The following CES2 variants were observed in gnomAD, a reference collection of about 807,000 sequenced individuals.
CES2 encodes the protein carboxylesterase 2, also known as cocaine esterase.
Under a neutral mutation model 52.1 loss-of-function variants are expected in CES2, and 42 were observed. The observed-to-expected ratio is 0.81, with a 90% CI of 0.63 to 1.04. CES2 has a LOEUF of 1.04. CES2 is among the 50% of genes least tolerant of loss of function. The probability of loss-of-function intolerance (pLI) is 0.00; values close to 1 mark genes in which losing one functional copy is unlikely to be tolerated. For synonymous variants in CES2, 277 were observed against 289.6 expected, an observed-to-expected ratio of 0.96 and a Z score of 0.44; for missense variants, 656 against 724.3, an observed-to-expected ratio of 0.91 and a Z score of 1.08.
rs778173828 is a variant in CES2 at position 66,939,209 on chromosome 16, G to C, written c.282-8G>C. The C allele has an allele frequency of 1.9e-6, 3 of 1,612,318 alleles. No homozygotes were observed. In the South Asian group the frequency reaches 3.3e-5, roughly 18 times the overall value. On this transcript the variant is annotated splice_polypyrimidine_tract_variant and splice_region_variant and intron_variant, in intron 2 of 11. Transcript: ENST00000317091. ...GCCCCTGGACTGATTATTTGCCCTG[G>C]TTACCAGGTGTCTACAGGACCTCAC... is the stretch of plus-strand genomic sequence containing the variant.
chr16:66,939,424 CA>C lies in CES2; in HGVS notation c.423+68del. On this transcript the variant is annotated intron_variant, in intron 3 of 11. Transcript: ENST00000317091. ...TTCTTCTGCAAGAAGCTGAAAAGGACAATATTAGCTCAGGCCCTGCTTCAGA... is the reference window on the plus strand; with the variant it reads ...TTCTTCTGCAAGAAGCTGAAAAGGACATATTAGCTCAGGCCCTGCTTCAGA... 3 of 1,536,366 alleles carry C rather than the reference CA, an allele frequency of 2.0e-6. No individual in the cohort carries two copies. The South Asian group carries it at 3.4e-5, about 17-fold the overall frequency.
intron 7 of CES2, 43 bp from the exon 8 acceptor site, chr16:66,941,725 G>GCTCATCCCATCCCCAGCTACAGACT: frequency 6.2e-7 from 1 of 1,613,950 alleles, no homozygotes; most frequent in Non-Finnish European, 8.5e-7. Flanking sequence ...ATAGCTCCAG[G>GCTCATCCCATCCCCAGCTACAGACT]CTCATCCCAT....
chr16:66,944,016 A>G lies in CES2; in HGVS notation c.1671A>G (p.Thr557=). 8.8e-6 allele frequency: 13 copies of G among 1,479,952 alleles called. No homozygotes were observed. Among genetic ancestry groups the G allele is most frequent in the Non-Finnish European group, 1.2e-5 (13 of 1,083,132 alleles). The allele number at this position is 1,479,952 out of a possible 1,614,324, so 91.7% of individuals were successfully genotyped here. ...TCGAGGAGCCTGAAGAGAGACACAC[A>G]GAGCTGTAGCTCCCTGTGCCGGGGA... ...QELEEPEERH[T]EL Residue 557 remains threonine (T), a synonymous_variant, in exon 12 of 12, where the codon ACA becomes ACG. Coordinates refer to ENST00000317091, the MANE Select transcript of CES2 (RefSeq NM_001365405.1).
At position 66,943,477 on chromosome 16, in the gene CES2, C is replaced by G; in HGVS notation, c.1493+106C>G. On this transcript the variant is annotated intron_variant, in intron 11 of 11. Transcript: ENST00000317091. This position sits in a 1 kb window ranked among gnomAD's most constrained non-coding sequence, Gnocchi z 4.2. ...TCATGAGCACACCCGCATCCTTCAT[C>G]ACATGATGGCCCCTTCCCCAGCTCC... is the stretch of plus-strand genomic sequence containing the variant. The G allele has an allele frequency of 3.4e-6, 4 of 1,165,008 alleles. No individual in the cohort carries two copies. The highest frequency in any genetic ancestry group is 5.0e-6 in the Non-Finnish European group (4 of 793,752). 72.2% of individuals were successfully genotyped at this position (1,165,008 alleles called of 1,614,324 possible). A position where few individuals can be genotyped will look rare whatever the true frequency, so the allele number is the denominator to read the frequency against.
chr16:66,942,509 A>T (rs1181434734), intron 9 of CES2, 139 bp from the exon 10 acceptor site: 1 of 982,984 alleles, frequency 1.0e-6, no homozygotes, highest in Non-Finnish European at 1.5e-6. Flanking sequence ...CCTTTCCTCT[A>T]TTCCTGCCCC....
upstream of CES2, chr16:66,935,400 G>C (rs987471927): frequency 1.3e-6 from 2 of 1,537,870 alleles, no homozygotes; most frequent in Non-Finnish European, 8.8e-7. Flanking sequence ...GCAAAGGAAA[G>C]TGGCCGTGCC....
chr16:66,942,029 C>T, intron 8 of CES2, 76 bp from the exon 9 acceptor site: 2 of 1,549,626 alleles, frequency 1.3e-6, no homozygotes, highest in Non-Finnish European at 1.8e-6. Flanking sequence ...CCTGTGCCAT[C>T]CCCAAGCCCG....
chr16:66,935,396 G>A, upstream of CES2: 1 of 1,536,250 alleles, frequency 6.5e-7, no homozygotes, highest in Non-Finnish European at 8.8e-7. Flanking sequence ...CCGGGCAAAG[G>A]AAAGTGGCCG....
Position 66,943,982 on chromosome 16 carries a change from T to C in CES2, c.1637T>C (p.Ile546Thr). 1 of 1,588,928 alleles carries C rather than the reference T, an allele frequency of 6.3e-7. No individual in the cohort carries two copies. The highest frequency in any genetic ancestry group is 8.6e-7 in the Non-Finnish European group (1 of 1,163,880). Residue 546 changes from isoleucine to threonine, a missense_variant, in exon 12 of 12, where the codon ATC becomes ACC. Coordinates refer to ENST00000317091, the MANE Select transcript of CES2 (RefSeq NM_001365405.1). The surrounding 1 kb of genome is among the most constrained non-coding windows in gnomAD (Gnocchi z 4.2). Reference protein sequence around the residue: ...QFWKKALPQKIQELEEPEERH... With the variant: ...QFWKKALPQKTQELEEPEERH... Reference sequence around the variant, plus strand: ...TGGAAGAAGGCGCTGCCCCAAAAGATCCAGGAGCTCGAGGAGCCTGAAGAG... The same window carrying C: ...TGGAAGAAGGCGCTGCCCCAAAAGACCCAGGAGCTCGAGGAGCCTGAAGAG...
At chr16:66,939,918 T>C (rs1055061026) in intron 3 of CES2, among the ~76,000 whole-genome samples, 1 of 152,224 alleles carries the variant, frequency 6.6e-6, no homozygotes, top group East Asian at 1.9e-4. Context: ...TGGTTCAGGC[T>C]AAGGACATTT....
At chr16:66,942,057 C>A in intron 8 of CES2, 48 bp from the exon 9 acceptor site, 1 of 1,572,004 alleles carries the variant, frequency 6.4e-7, no homozygotes, top group Non-Finnish European at 8.7e-7. Flanking sequence ...CTCCTCCCTG[C>A]CCCTGGCATC....
intron 1 of CES2, among the ~76,000 whole-genome samples, chr16:66,937,783 G>A (rs1028858997): frequency 5.3e-5 from 8 of 152,184 alleles, no homozygotes; most frequent in Non-Finnish European, 1.0e-4. Context: ...AAGGGCATGT[G>A]ACCCTTTGTT....
At chr16:66,937,956 G>A in intron 1 of CES2, 81 bp from the exon 2 acceptor site, 2 of 1,158,402 alleles carry the variant, frequency 1.7e-6, no homozygotes, top group Non-Finnish European at 2.6e-6. Context: ...GATGAGGATG[G>A]CAAGGAAGCA....
At chr16:66,938,289 TG>T (rs1567547204) in intron 2 of CES2, 48 bp downstream of exon 2, 4 of 1,376,584 alleles carry the variant, frequency 2.9e-6, no homozygotes, top group Admixed American at 3.4e-5. Flanking sequence ...GGGGCAGGGG[TG>T]GGGGTGCTCT....
At position 66,942,507 on chromosome 16, in the gene CES2, C is replaced by G. The variant is rs944779131; in HGVS notation, c.1283-141C>G. 3 of 968,590 alleles carry G rather than the reference C, an allele frequency of 3.1e-6. No homozygotes were observed. The African/African-American group carries it at 4.9e-5, about 16-fold the overall frequency. 60.0% of individuals were successfully genotyped at this position (968,590 alleles called of 1,614,324 possible). A position where few individuals can be genotyped will look rare whatever the true frequency, so the allele number is the denominator to read the frequency against. ...AGCAAAGAATCGCAAGTCCTTTCCT[C>G]TATTCCTGCCCCAGCCTGGGGCTCC... On this transcript the variant is annotated intron_variant, in intron 9 of 11. Transcript: ENST00000317091.
chr16:66,934,615 T>G, upstream of CES2: 1 of 557,988 alleles, frequency 1.8e-6, no homozygotes. This position sits in a 1 kb window ranked among gnomAD's most constrained non-coding sequence, Gnocchi z 4.1. Flanking sequence ...TGCGAGCCAG[T>G]AGCGGGCTGA....
rs72547533 is a variant in CES2 at position 66,942,103 on chromosome 16, A to G, written c.1138-2A>G. On this transcript the variant is annotated splice_acceptor_variant, in intron 8 of 11. Coordinates refer to ENST00000317091, the MANE Select transcript of CES2 (RefSeq NM_001365405.1). LOFTEE classifies it high-confidence loss of function. ...TGCCTCTTCCTGATCCACCTGGGGT[A>G]GATGTTGCCTCCTACATTTGGTGAC... is the stretch of plus-strand genomic sequence containing the variant. 3 of 1,604,202 alleles carry G rather than the reference A, an allele frequency of 1.9e-6. No homozygotes were observed. Among genetic ancestry groups the G allele is most frequent in the East Asian group, 4.5e-5 (2 of 44,616 alleles).
chr16:66,942,016 C>G lies in CES2; in HGVS notation c.1138-89C>G, dbSNP rs577084269. On this transcript the variant is annotated intron_variant, in intron 8 of 11. Coordinates refer to ENST00000317091, the MANE Select transcript of CES2 (RefSeq NM_001365405.1). ...CCTCAGAGCCTCGCCTTTGCTCCCCCTTCCTGTGCCATCCCCAAGCCCGAG... is the reference window on the plus strand; with the variant it reads ...CCTCAGAGCCTCGCCTTTGCTCCCCGTTCCTGTGCCATCCCCAAGCCCGAG... 7.8e-6 allele frequency: 12 copies of G among 1,535,452 alleles called. No homozygotes were observed. The South Asian group carries it at 1.2e-4, about 16-fold the overall frequency.
intron 9 of CES2, 165 bp downstream of exon 9, chr16:66,942,414 C>T (rs926209744): frequency 3.6e-6 from 3 of 842,896 alleles, no homozygotes; most frequent in Non-Finnish European, 5.4e-6. Context: ...AAGAATCCGA[C>T]ATTTCCCCCA....
Sources: gnomAD v4.1 joint callset for allele counts (sites outside exome capture counted in the v4.1 genomes callset) on GRCh38, gnomAD v4.1.1 for gene constraint, Gnocchi (gnomAD v3.1) non-coding constraint, MANE v1.5 for transcripts, NCBI Gene and HGNC (gene_info 2026-07-23, HGNC 2026-07-21) for gene names.